SCAPER: variants seen among roughly 807,000 people sequenced by gnomAD.
The protein encoded by SCAPER is S phase cyclin A-associated protein in the endoplasmic reticulum.
A neutral mutation model predicts 182.2 loss-of-function variants in SCAPER; 98 were observed. That is an observed-to-expected ratio of 0.54 (90% CI 0.46 to 0.64). The LOEUF is 0.64. Among genes scored for constraint, SCAPER ranks in the 30% least tolerant of loss-of-function variants. The pLI is 0.00. For synonymous variants in SCAPER, 605 were observed against 564.6 expected, an observed-to-expected ratio of 1.07 and a Z score of -1.01; for missense variants, 1,432 against 1,690.0, an observed-to-expected ratio of 0.85 and a Z score of 2.68.
chr15:76,526,400 G>T (rs1377201995), intron 23 of SCAPER, among the ~76,000 whole-genome samples: 1 of 152,106 alleles, frequency 6.6e-6, no homozygotes, highest in East Asian at 1.9e-4. Context: ...GTAGTTTAAA[G>T]TATTTTCTTC....
intron 17 of SCAPER, among the ~76,000 whole-genome samples, chr15:76,728,155 G>A (rs377747796): frequency 6.6e-6 from 1 of 151,062 alleles, no homozygotes; most frequent in East Asian, 1.9e-4. Flanking sequence ...TAAAACTAAG[G>A]GATAATTGAA....
chr15:76,362,075 C>T (rs12438257), intron 29 of SCAPER, among the ~76,000 whole-genome samples: 1,738 of 151,792 alleles, frequency 0.011, 113 homozygotes, highest in Admixed American at 0.1. Context: ...CGGGTTCAAG[C>T]GATTCTCCTG....
chr15:76,350,607 G>T (rs16968113), intron 31 of SCAPER: 7,416 of 152,088 alleles, frequency 0.049, 218 homozygotes, highest in South Asian at 0.12. Context: ...ATTACAGTCT[G>T]GGTAGCAGAA....
chr15:76,519,575 G>C (rs1466130738), intron 23 of SCAPER, among the ~76,000 whole-genome samples: 1 of 152,194 alleles, frequency 6.6e-6, no homozygotes, highest in East Asian at 1.9e-4. Flanking sequence ...TATGGGCATG[G>C]ACTGTGTATC....
chr15:76,548,365 A>G (rs546275172), intron 23 of SCAPER, among the ~76,000 whole-genome samples: 1 of 152,198 alleles, frequency 6.6e-6, no homozygotes, highest in Non-Finnish European at 1.5e-5. Flanking sequence ...ACAAATAGGA[A>G]TGCCACATTT....
chr15:76,375,159 A>G (rs1383078756), intron 29 of SCAPER, among the ~76,000 whole-genome samples: 1 of 135,556 alleles, frequency 7.4e-6, no homozygotes, highest in Non-Finnish European at 1.5e-5. Context: ...TCAAGGCTGC[A>G]GTGAGCCATG....
chr15:76,892,526 T>C (rs2074221635), intron 1 of SCAPER, among the ~76,000 whole-genome samples: 1 of 152,168 alleles, frequency 6.6e-6, no homozygotes, highest in Admixed American at 6.5e-5. Context: ...GAACAGACAC[T>C]TCTCTAAAGA....
intron 22 of SCAPER, among the ~76,000 whole-genome samples, chr15:76,615,136 G>A (rs1223600999): frequency 2.0e-5 from 3 of 152,092 alleles, no homozygotes; most frequent in South Asian, 2.1e-4. Flanking sequence ...TTGAAGAAAA[G>A]CCTTGGACTT....
chr15:76,513,677 T>C (rs1185933086), intron 23 of SCAPER, among the ~76,000 whole-genome samples: 1 of 152,220 alleles, frequency 6.6e-6, no homozygotes. Context: ...CATTTCTGGA[T>C]GGCTTAATAC....
At chr15:76,517,546 T>C (rs1465837385) in intron 23 of SCAPER, among the ~76,000 whole-genome samples, 1 of 152,010 alleles carries the variant, frequency 6.6e-6, no homozygotes, top group Non-Finnish European at 1.5e-5. Flanking sequence ...GAGATGGGGT[T>C]TCACATATTG....
chr15:76,860,261 T>G (rs1347113720), intron 3 of SCAPER, among the ~76,000 whole-genome samples: 3 of 152,046 alleles, frequency 2.0e-5, no homozygotes, highest in Admixed American at 2.0e-4. Flanking sequence ...ATATACAGAA[T>G]TTTTTTTACT....
chr15:76,462,786 A>G (rs1455669040), intron 25 of SCAPER, among the ~76,000 whole-genome samples: 2 of 152,170 alleles, frequency 1.3e-5, no homozygotes, highest in Non-Finnish European at 2.9e-5. Context: ...TTCTGAATGT[A>G]GCTTTGAGAG....
At chr15:76,741,593 G>C (rs920712) in intron 15 of SCAPER, among the ~76,000 whole-genome samples, 1 of 151,780 alleles carries the variant, frequency 6.6e-6, no homozygotes, top group Admixed American at 6.6e-5. Context: ...TGCCTACAGA[G>C]TTAGAGAACT....
chr15:76,417,276 C>T (rs1293309276), intron 26 of SCAPER, among the ~76,000 whole-genome samples: 1 of 151,940 alleles, frequency 6.6e-6, no homozygotes, highest in East Asian at 1.9e-4. Context: ...TTATTTTTGT[C>T]ATTGAGCACA....
At chr15:76,830,965 A>G (rs2068419507) in intron 5 of SCAPER, among the ~76,000 whole-genome samples, 1 of 152,108 alleles carries the variant, frequency 6.6e-6, no homozygotes, top group South Asian at 2.1e-4. Context: ...CTCCTATGGA[A>G]GGGGTAAGTA....
intron 15 of SCAPER, among the ~76,000 whole-genome samples, chr15:76,752,556 G>A (rs117595222): frequency 0.015 from 2,301 of 151,734 alleles, 42 homozygotes; most frequent in South Asian, 0.036. Context: ...GCCTGAAAAG[G>A]GAAGGAAATT....
At chr15:76,444,337 T>C (rs1020526538) in intron 25 of SCAPER, among the ~76,000 whole-genome samples, 1 of 152,190 alleles carries the variant, frequency 6.6e-6, no homozygotes, top group Admixed American at 6.5e-5. Flanking sequence ...ATGAATTAGG[T>C]GGCTGGTAGT....
At chr15:76,678,764 G>T (rs1183898675) in intron 20 of SCAPER, among the ~76,000 whole-genome samples, 1 of 152,114 alleles carries the variant, frequency 6.6e-6, no homozygotes, top group South Asian at 2.1e-4. Context: ...GGCATTTTTA[G>T]ACAGCACTTT....
chr15:76,572,047 G>C (rs1219494902), intron 23 of SCAPER, among the ~76,000 whole-genome samples: 1 of 152,140 alleles, frequency 6.6e-6, no homozygotes, highest in East Asian at 1.9e-4. Context: ...TTCTGACACA[G>C]ACCATTTAGA....
Sources: gnomAD v4.1 joint callset for allele counts (sites outside exome capture counted in the v4.1 genomes callset) on GRCh38, gnomAD v4.1.1 for gene constraint, MANE v1.5 for transcripts, NCBI Gene and HGNC (gene_info 2026-07-23, HGNC 2026-07-21) for gene names.